The following HYOU1 variants were observed in gnomAD, a reference collection of about 807,000 sequenced individuals.
HYOU1 encodes hypoxia up-regulated 1, also known as hypoxia up-regulated protein 1.
A neutral mutation model predicts 120.5 loss-of-function variants in HYOU1; 40 were observed. That is an observed-to-expected ratio of 0.33 (90% CI 0.26 to 0.43). The LOEUF (loss-of-function observed/expected upper bound fraction) is 0.43. Among genes scored for constraint, HYOU1 ranks in the 20% least tolerant of loss-of-function variants. HYOU1 has a pLI of 1.00. For missense variants in HYOU1, 1,085 were observed against 1,278.3 expected (o/e 0.85, Z 2.31); for synonymous variants, 501 against 479.4 (o/e 1.05, Z -0.59).
Position 119,047,936 on chromosome 11 carries a change from G to A in HYOU1, c.2510+11C>T. On this transcript the variant is annotated intron_variant, in intron 21 of 25. Transcript: ENST00000617285. ...TGGCAGGACTGCAAAAAGGGTTCAG[G>A]GGCTGCTCACTTGAGGAACATGCTG... is the stretch of plus-strand genomic sequence containing the variant. 1 of 1,614,176 alleles carries A rather than the reference G, an allele frequency of 6.2e-7. No individual in the cohort carries two copies. The highest frequency in any genetic ancestry group is 1.1e-5 in the South Asian group (1 of 91,078).
Position 119,055,076 on chromosome 11 carries a change from G to A in HYOU1, c.420-16C>T, listed in dbSNP as rs2133609853. 4 of 1,613,906 alleles carry A rather than the reference G, an allele frequency of 2.5e-6. No homozygotes were observed. In the African/African-American group the frequency reaches 5.3e-5, roughly 22 times the overall value. On this transcript the variant is annotated splice_polypyrimidine_tract_variant and intron_variant, in intron 5 of 25. Transcript: ENST00000617285. This position sits in a 1 kb window ranked among gnomAD's most constrained non-coding sequence, Gnocchi z 4.0. The stretch of plus-strand genomic sequence containing the variant: ...CTGCAGCTGCCTGAGGGGAAGGAAG[G>A]TAGTTGGAGCCAAGGAAAGCCAGGC...
rs2133574534 is a variant in HYOU1 at position 119,049,616 on chromosome 11, G to A, written c.1746C>T (p.Ser582=). The change falls in exon 16 of 26, where the codon TCC becomes TCT. Residue 582 remains serine, a synonymous_variant. Transcript: ENST00000617285. ...GTGTGGTACCGCCTCCAAACAGGCT[G>A]GAAATGGTGTTGCCAAGTTCTAGGG... The part of the protein sequence containing the change: ...STLTKLGNTI[S]SLFGGGTTPD... The A allele has an allele frequency of 5.8e-5, 94 of 1,614,046 alleles. No homozygotes were observed. Among genetic ancestry groups the A allele is most frequent in the Non-Finnish European group, 7.8e-5 (92 of 1,180,038 alleles).
In HYOU1 at chr11:119,048,666, C is replaced by T. The variant is rs2133566168; in HGVS notation, c.2165+48G>A. The T allele has an allele frequency of 1.1e-5, 17 of 1,606,068 alleles. No individual in the cohort carries two copies. The highest frequency in any genetic ancestry group is 1.3e-5 in the Non-Finnish European group (15 of 1,175,686). ...CCCAGGGCGCCATCCCACATCCTGC[C>T]CACCTTGCACACACATGTACACACA... On this transcript the variant is annotated intron_variant, in intron 18 of 25. Coordinates refer to ENST00000617285, the MANE Select transcript of HYOU1 (RefSeq NM_006389.5). This position sits in a 1 kb window ranked among gnomAD's most constrained non-coding sequence, Gnocchi z 4.7.
intron 1 of HYOU1, chr11:119,056,556 A>C: frequency 2.7e-6 from 1 of 368,192 alleles, no homozygotes. Flanking sequence ...CCACCTCCCC[A>C]CACCTGGAGC....
At chr11:119,049,476 AC>A in intron 16 of HYOU1, 79 bp downstream of exon 16, 1 of 1,549,314 alleles carries the variant, frequency 6.5e-7, no homozygotes, top group South Asian at 1.1e-5. Flanking sequence ...GGGGTGGCCT[AC>A]CCTCACCCCC....
Position 119,055,052 on chromosome 11 carries a change from T to C in HYOU1, c.428A>G (p.Gln143Arg), listed in dbSNP as rs1256307487. 4 of 1,614,118 alleles carry C rather than the reference T, an allele frequency of 2.5e-6. No homozygotes were observed. The highest frequency in any genetic ancestry group is 1.1e-5 in the South Asian group (1 of 91,088). The part of the protein sequence containing the change: ...TVHFQISSQL[Q>R]FSPEEVLGMV... ...GCCCAACACTTCCTCAGGTGAGAAC[T>C]GCAGCTGCCTGAGGGGAAGGAAGGT... The change falls in exon 6 of 26, where the codon CAG becomes CGG. Residue 143 changes from glutamine to arginine, a missense_variant. Around this residue, in one of 4 missense-constraint regions of HYOU1, gnomAD observed 515 missense variants for 677.8 expected, o/e 0.76. Transcript: ENST00000617285. The surrounding 1 kb of genome is among the most constrained non-coding windows in gnomAD (Gnocchi z 4.0).
Position 119,055,639 on chromosome 11 carries a change from A to G in HYOU1, c.186-68T>C. On this transcript the variant is annotated intron_variant, in intron 3 of 25. Transcript: ENST00000617285. This position sits in a 1 kb window ranked among gnomAD's most constrained non-coding sequence, Gnocchi z 4.0. ...GACTCAGAAGCCTCGACACTCACAC[A>G]CATTTAACCACTCAGATGCCGAAGT... The G allele has an allele frequency of 6.6e-7, 1 of 1,504,450 alleles. No homozygotes were observed. Among genetic ancestry groups the G allele is most frequent in the Non-Finnish European group, 9.3e-7 (1 of 1,080,278 alleles). The allele number at this position is 1,504,450 out of a possible 1,614,324, so 93.2% of individuals were successfully genotyped here. A position where few individuals can be genotyped will look rare whatever the true frequency, so the allele number is the denominator to read the frequency against.
Position 119,048,184 on chromosome 11 carries a change from C to T in HYOU1, c.2376+64G>A. 1 of 1,608,084 alleles carries T rather than the reference C, an allele frequency of 6.2e-7. No individual in the cohort carries two copies. The highest frequency in any genetic ancestry group is 1.1e-5 in the South Asian group (1 of 90,812). On this transcript the variant is annotated intron_variant, in intron 20 of 25. Transcript: ENST00000617285. This position sits in a 1 kb window ranked among gnomAD's most constrained non-coding sequence, Gnocchi z 4.7. The stretch of plus-strand genomic sequence containing the variant: ...GGCTCAAGCCCCAGCTCTTCTCTCT[C>T]TCTGACCCTGGGAGAGGAAGGAGAG...
intron 1 of HYOU1, 196 bp from the exon 2 acceptor site, chr11:119,056,363 A>C (rs529553001): frequency 1.5e-6 from 1 of 664,924 alleles, no homozygotes; most frequent in East Asian, 2.9e-5. Flanking sequence ...GCCCACACAA[A>C]GGCCCAAGTG....
chr11:119,050,960 T>C (rs900978500), intron 14 of HYOU1, 75 bp downstream of exon 14: 2 of 1,565,466 alleles, frequency 1.3e-6, no homozygotes, highest in African/African-American at 1.4e-5. Context: ...CCTAATGCCA[T>C]GTGGAACCCA....
In HYOU1 at chr11:119,051,438, C is replaced by G. The variant is rs2133584960; in HGVS notation, c.1526G>C (p.Arg509Pro). ...DLGFLGPEDLRVFGSQNLTTV... is the reference protein window; with the variant it reads ...DLGFLGPEDLPVFGSQNLTTV... ...CCCATCCTACACCCCTGCCCCTCAC[C>G]GAAGATCTTCAGGCCCCAGGAAGCC... Residue 509 changes from arginine to proline, a missense_variant and splice_region_variant, in exon 13 of 26, where the codon CGG becomes CCG. Arg to Pro is a moderately radical substitution (Grantham distance 103). Around this residue, in one of 4 missense-constraint regions of HYOU1, gnomAD observed 515 missense variants for 677.8 expected, o/e 0.76. Transcript: ENST00000617285. The surrounding 1 kb of genome is among the most constrained non-coding windows in gnomAD (Gnocchi z 4.2). 6.2e-7 allele frequency: 1 copy of G among 1,613,982 alleles called. No homozygotes were observed. Among genetic ancestry groups the G allele is most frequent in the Admixed American group, 1.7e-5 (1 of 60,014 alleles).
intron 1 of HYOU1, 199 bp from the exon 2 acceptor site, chr11:119,056,366 C>A (rs1419573128): frequency 1.5e-6 from 1 of 664,994 alleles, no homozygotes; most frequent in South Asian, 1.5e-5. Context: ...CACACAAAGG[C>A]CCAAGTGAAA....
At chr11:119,056,518 C>A (rs1430650176) in intron 1 of HYOU1, 2 of 384,616 alleles carry the variant, frequency 5.2e-6, no homozygotes, top group African/African-American at 2.1e-5. Flanking sequence ...ACCTGGGGTG[C>A]GGCCAGGGAT....
intron 24 of HYOU1, 49 bp downstream of exon 24, chr11:119,046,368 C>G (rs782641543): frequency 6.3e-7 from 1 of 1,593,000 alleles, no homozygotes; most frequent in African/African-American, 1.3e-5. Flanking sequence ...TTGCCTACCC[C>G]TGGGCTAATG....
At position 119,049,633 on chromosome 11, in the gene HYOU1, G is replaced by C; in HGVS notation, c.1729C>G (p.Leu577Val). Residue 577 changes from leucine (L) to valine (V), a missense_variant and splice_region_variant, in exon 16 of 26, where the codon CTT becomes GTT. Transcript: ENST00000617285. Reference sequence around the variant, plus strand: ...AACAGGCTGGAAATGGTGTTGCCAAGTTCTAGGGGGAGTAAAACCCAAAGA... The same window carrying C: ...AACAGGCTGGAAATGGTGTTGCCAACTTCTAGGGGGAGTAAAACCCAAAGA... ...SAEEESTLTKLGNTISSLFGG... is the reference protein window; with the variant it reads ...SAEEESTLTKVGNTISSLFGG... 6.2e-7 allele frequency: 1 copy of C among 1,614,158 alleles called. No homozygotes were observed.
In HYOU1 at chr11:119,051,593, A is replaced by C; in HGVS notation, c.1371T>G (p.Pro457=). The C allele has an allele frequency of 1.2e-6, 2 of 1,614,084 alleles. No individual in the cohort carries two copies. Among genetic ancestry groups the C allele is most frequent in the Non-Finnish European group, 1.7e-6 (2 of 1,180,006 alleles). The change falls in exon 13 of 26, where the codon CCT becomes CCG. Residue 457 remains proline (P), a synonymous_variant. Coordinates refer to ENST00000617285, the MANE Select transcript of HYOU1 (RefSeq NM_006389.5). The surrounding 1 kb of genome is among the most constrained non-coding windows in gnomAD (Gnocchi z 4.2). ...VEFTREVEEE[P]GIHSLKHNKR... is the part of the protein sequence containing the mutation. ...TATTGTGCTTCAGGCTGTGAATCCC[A>C]GGCTCCTCCTCCACCTCCCTCGTGA...
At position 119,051,866 on chromosome 11, in the gene HYOU1, T is replaced by G; in HGVS notation, c.1291A>C (p.Lys431Gln). 1 of 1,614,136 alleles carries G rather than the reference T, an allele frequency of 6.2e-7. No individual in the cohort carries two copies. The highest frequency in any genetic ancestry group is 8.5e-7 in the Non-Finnish European group (1 of 1,180,022). ...YQAAALSKAF[K>Q]VKPFVVRDAV... ...TCTCGGACGACAAATGGCTTCACTT[T>G]AAAGGCTTTGCTGAGCGCAGCTGCC... Residue 431 changes from lysine (K) to glutamine (Q), a missense_variant, in exon 12 of 26, where the codon AAA becomes CAA. Lys to Gln is a moderately conservative substitution (Grantham distance 53). Coordinates refer to ENST00000617285, the MANE Select transcript of HYOU1 (RefSeq NM_006389.5). This position sits in a 1 kb window ranked among gnomAD's most constrained non-coding sequence, Gnocchi z 4.2.
rs2133561246 is a variant in HYOU1, at chr11:119,048,119, G to A, written c.2377-39C>T. ...GATTGGGCAGAGGGGTGGAAGGGAC[G>A]ACAGCAGAGCCTGGAGTCAGCCCCA... On this transcript the variant is annotated intron_variant, in intron 20 of 25. Transcript: ENST00000617285. This position sits in a 1 kb window ranked among gnomAD's most constrained non-coding sequence, Gnocchi z 4.7. The A allele has an allele frequency of 1.2e-5, 19 of 1,613,048 alleles. No individual in the cohort carries two copies. Among genetic ancestry groups the A allele is most frequent in the East Asian group, 4.5e-5 (2 of 44,898 alleles).
Position 119,048,904 on chromosome 11 carries a change from G to A in HYOU1, c.1993-18C>T, listed in dbSNP as rs2133568334. On this transcript the variant is annotated intron_variant, in intron 17 of 25. Transcript: ENST00000617285. This position sits in a 1 kb window ranked among gnomAD's most constrained non-coding sequence, Gnocchi z 4.7. Reference sequence around the variant, plus strand: ...CTTGGTTTCTGGGTGGGAAGAGTCAGGGGTGTCAGGAAAAGCCTCTGCCCT... The same window carrying A: ...CTTGGTTTCTGGGTGGGAAGAGTCAAGGGTGTCAGGAAAAGCCTCTGCCCT... The A allele has an allele frequency of 1.9e-6, 3 of 1,604,750 alleles. No individual in the cohort carries two copies. Among genetic ancestry groups the A allele is most frequent in the South Asian group, 1.1e-5 (1 of 90,062 alleles).
Sources: gnomAD v4.1 joint callset for allele counts on GRCh38, gnomAD v4.1.1 for gene constraint, gnomAD v4.1.1 regional missense constraint, Gnocchi (gnomAD v3.1) non-coding constraint, MANE v1.5 for transcripts, NCBI Gene and HGNC (gene_info 2026-07-23, HGNC 2026-07-21) for gene names.